ZNF592: variants seen among roughly 807,000 people sequenced by gnomAD.
The protein encoded by ZNF592 is zinc finger protein 592.
A neutral mutation model predicts 80.3 loss-of-function variants in ZNF592; 11 were observed. The observed-to-expected ratio is 0.14, with a 90% confidence interval of 0.09 to 0.23. The LOEUF (loss-of-function observed/expected upper bound fraction) is 0.23, where lower values mean the gene tolerates loss of function less well. Ranked by LOEUF, ZNF592 falls within the 10% of genes least tolerant of loss-of-function variation. ZNF592 has a pLI of 1.00. For synonymous variants in ZNF592, 646 were observed against 640.3 expected (o/e 1.01, Z -0.13); for missense variants, 1,420 against 1,633.9 (o/e 0.87, Z 2.26).
At chr15:84,796,517 C>G (rs977376783) in intron 5 of ZNF592, among the ~76,000 whole-genome samples, 14 of 151,682 alleles carry the variant, frequency 9.2e-5, no homozygotes, top group African/African-American at 3.4e-4. Context: ...GGAGGAAAGA[C>G]TGAACACAGG....
chr15:84,796,245 T>A (rs373672208), intron 5 of ZNF592, among the ~76,000 whole-genome samples: 11,465 of 30,446 alleles, frequency 0.38, 1,946 homozygotes, highest in Middle Eastern at 0.46. Context: ...AAAAAATATA[T>A]ATATATATAT....
intron 2 of ZNF592, among the ~76,000 whole-genome samples, chr15:84,777,532 T>C (rs1002657182): frequency 1.3e-5 from 2 of 151,504 alleles, no homozygotes; most frequent in South Asian, 2.1e-4. Flanking sequence ...ATGTTGGTCT[T>C]GAACTCCTAG....
At position 84,798,787 on chromosome 15, in the gene ZNF592, G is replaced by A. The variant is rs1963006071; in HGVS notation, c.2936G>A (p.Arg979Lys). The A allele has an allele frequency of 6.2e-7, 1 of 1,603,280 alleles. No homozygotes were observed. Among genetic ancestry groups the A allele is most frequent in the East Asian group, 2.2e-5 (1 of 44,878 alleles). Residue 979 changes from arginine to lysine, a missense_variant, in exon 8 of 11, where the codon AGG (arginine) becomes AAG (lysine). Transcript: ENST00000560079. The surrounding 1 kb of genome is among the most constrained non-coding windows in gnomAD (Gnocchi z 4.5). ...HRRVEARPRL[R>K]NTGWTCQECQ... ...AGGGTGGAAGCCAGGCCGCGGCTGA[G>A]GAACACTGGCTGGACCTGCCAGGAG... is the stretch of plus-strand genomic sequence containing the variant.
intron 1 of ZNF592, among the ~76,000 whole-genome samples, chr15:84,757,503 T>A (rs937361369): frequency 5.9e-5 from 9 of 151,892 alleles, no homozygotes; most frequent in African/African-American, 1.9e-4. Context: ...CCACAATGCC[T>A]GGTTAATTAG....
chr15:84,770,760 G>A lies in ZNF592; in HGVS notation c.-150+5945G>A, dbSNP rs572314160. ...ATTGAATCAGAATTTTCATGGTGGA[G>A]CCTGTGTATCTGTATTTTTAAGTCA... On this transcript the variant is annotated intron_variant, in intron 2 of 10. Coordinates refer to ENST00000560079, the MANE Select transcript of ZNF592 (RefSeq NM_014630.3). Among the ~76,000 whole-genome samples the A allele has an allele frequency of 3.9e-5, 6 of 152,200 alleles. 1 individual carries two copies. The highest frequency in any genetic ancestry group is 1.2e-4 in the African/African-American group (5 of 41,522).
rs147324468 is a variant in ZNF592, at chr15:84,765,355, C to T, written c.-150+540C>T. ...GGTGTACAAGTATCTTGTGTCCTCC[C>T]GCTCTTAATTCTTTTGAGTATATAC... On this transcript the variant is annotated intron_variant, in intron 2 of 10. Coordinates refer to ENST00000560079, the MANE Select transcript of ZNF592 (RefSeq NM_014630.3). 1.7e-4 allele frequency among the ~76,000 whole-genome samples: 26 copies of T among 152,156 alleles called. 2 individuals carry two copies. Among genetic ancestry groups the T allele is most frequent in the African/African-American group, 3.9e-4 (16 of 41,524 alleles).
rs1963021800 is a variant in ZNF592, at chr15:84,799,182, G to A, written c.3109G>A (p.Asp1037Asn). 6.2e-7 allele frequency: 1 copy of A among 1,614,022 alleles called. No individual in the cohort carries two copies. The highest frequency in any genetic ancestry group is 8.5e-7 in the Non-Finnish European group (1 of 1,180,030). The change falls in exon 9 of 11, where the codon GAC (aspartate) becomes AAC (asparagine). Residue 1037 changes from aspartate to asparagine, a missense_variant. Asp to Asn is a conservative substitution (Grantham distance 23, BLOSUM62 1). This residue lies in a region of ZNF592 where 331 missense variants were observed against 347.0 expected (regional missense o/e 0.95). Transcript: ENST00000560079. The surrounding 1 kb of genome is among the most constrained non-coding windows in gnomAD (Gnocchi z 4.2). ...GCGCAAACACATCCGCAACAACCAT[G>A]ACACAGTAAAGAAGTTCTACACCTG... ...SLRKHIRNNH[D>N]TVKKFYTCGY...
intron 4 of ZNF592, among the ~76,000 whole-genome samples, chr15:84,786,841 C>CTTTTTTTTTTT (rs35391255): frequency 7.1e-5 from 5 of 70,818 alleles, no homozygotes; most frequent in Non-Finnish European, 7.6e-5. Context: ...CCTTACGTAT[C>CTTTTTTTTTTT]TTTTTTTTTT....
Position 84,798,873 on chromosome 15 carries a change from C to A in ZNF592, c.3022C>A (p.Arg1008=). ...GTCCCACATGAAAAAGAGCCACGGT[C>A]GGGTAAGTGCAGCCACACAGTCATA... is the stretch of plus-strand genomic sequence containing the variant. ...YVSHMKKSHG[R]TLKRYPCRQC... is the part of the protein sequence containing the mutation. The change falls in exon 8 of 11, where the codon CGG becomes AGG. Residue 1008 remains arginine (R), a splice_region_variant and synonymous_variant. Coordinates refer to ENST00000560079, the MANE Select transcript of ZNF592 (RefSeq NM_014630.3). This position sits in a 1 kb window ranked among gnomAD's most constrained non-coding sequence, Gnocchi z 4.5. 2 of 1,597,756 alleles carry A rather than the reference C, an allele frequency of 1.3e-6. No individual in the cohort carries two copies. The highest frequency in any genetic ancestry group is 2.2e-5 in the South Asian group (2 of 90,840).
intron 1 of ZNF592, among the ~76,000 whole-genome samples, chr15:84,759,873 C>T (rs1378773808): frequency 6.6e-6 from 1 of 150,630 alleles, no homozygotes; most frequent in Non-Finnish European, 1.5e-5. Flanking sequence ...ACATAGGGTA[C>T]AGCGTGGGCT....
chr15:84,798,401 A>G lies in ZNF592; in HGVS notation c.2663A>G (p.Gln888Arg). The change falls in exon 7 of 11, where the codon CAG (glutamine) becomes CGG (arginine). Residue 888 changes from glutamine to arginine, a missense_variant. Transcript: ENST00000560079. This position sits in a 1 kb window ranked among gnomAD's most constrained non-coding sequence, Gnocchi z 4.5. ...QHFYQNVSKT[Q>R]VGVFKCPECP... ...TTTTACCAGAATGTCAGCAAGACGC[A>G]GGTGGGCGTCTTCAAGTGCCCTGAG... is the stretch of plus-strand genomic sequence containing the variant. 6.2e-7 allele frequency: 1 copy of G among 1,614,212 alleles called. No homozygotes were observed. Among genetic ancestry groups the G allele is most frequent in the East Asian group, 2.2e-5 (1 of 44,882 alleles).
At position 84,784,565 on chromosome 15, in the gene ZNF592, C is replaced by T; in HGVS notation, c.1890C>T (p.Cys630=). ...CSKTLLFFNK[C]SLLRHARDHK... is the part of the protein sequence containing the mutation. ...AGACGCTGCTCTTCTTCAACAAGTG[C>T]AGCCTGCTCCGGCACGCCCGTGACC... is the stretch of plus-strand genomic sequence containing the variant. Residue 630 remains cysteine (C), a synonymous_variant, in exon 4 of 11, where the codon TGC becomes TGT. Transcript: ENST00000560079. This position sits in a 1 kb window ranked among gnomAD's most constrained non-coding sequence, Gnocchi z 5.8. 1.2e-6 allele frequency: 2 copies of T among 1,614,216 alleles called. No individual in the cohort carries two copies. The highest frequency in any genetic ancestry group is 1.1e-5 in the South Asian group (1 of 91,086).
chr15:84,794,748 A>G (rs148807056), intron 5 of ZNF592, among the ~76,000 whole-genome samples: 2,605 of 152,318 alleles, frequency 0.017, 68 homozygotes, highest in African/African-American at 0.055. Context: ...AAGTGCTGGG[A>G]TTACAGACGT....
chr15:84,754,963 G>GTTTTT (rs36104262), intron 1 of ZNF592, among the ~76,000 whole-genome samples: 12 of 110,688 alleles, frequency 1.1e-4, no homozygotes, highest in Non-Finnish European at 1.5e-4. Flanking sequence ...CCCCTGAGTT[G>GTTTTT]TTTTTTTTTT....
At chr15:84,791,229 A>G (rs1390138898) in intron 5 of ZNF592, among the ~76,000 whole-genome samples, 5 of 152,254 alleles carry the variant, frequency 3.3e-5, no homozygotes, top group Admixed American at 6.5e-5. Flanking sequence ...TGCTGTTTCA[A>G]TAATGAATGT....
At chr15:84,757,885 C>G (rs981468738) in intron 1 of ZNF592, among the ~76,000 whole-genome samples, 2 of 151,996 alleles carry the variant, frequency 1.3e-5, no homozygotes, top group African/African-American at 4.8e-5. Context: ...TGGTCTCAAA[C>G]TCCTGAGCTC....
chr15:84,759,954 T>TCCACCCC (rs1899294407), intron 1 of ZNF592, among the ~76,000 whole-genome samples: 1 of 49,662 alleles, frequency 2.0e-5, no homozygotes, highest in Admixed American at 1.9e-4. Context: ...TTGGGGAGAT[T>TCCACCCC]CCCCCCCCCC....
chr15:84,790,024 C>G (rs1596128669), intron 4 of ZNF592, among the ~76,000 whole-genome samples: 1 of 152,306 alleles, frequency 6.6e-6, no homozygotes, highest in Middle Eastern at 3.4e-3. Context: ...GAGCTGCTAC[C>G]TAATCTGCCC....
At chr15:84,793,397 G>A (rs986950137) in intron 5 of ZNF592, among the ~76,000 whole-genome samples, 6 of 152,104 alleles carry the variant, frequency 3.9e-5, no homozygotes, top group South Asian at 2.1e-4. Context: ...TTAATTGTAC[G>A]GATGGATTAA....
Sources: gnomAD v4.1 joint callset for allele counts (sites outside exome capture counted in the v4.1 genomes callset) on GRCh38, gnomAD v4.1.1 for gene constraint, gnomAD v4.1.1 regional missense constraint, Gnocchi (gnomAD v3.1) non-coding constraint, MANE v1.5 for transcripts, NCBI Gene and HGNC (gene_info 2026-07-23, HGNC 2026-07-21) for gene names.